Variants in CAMK1D observed in about 807,000 individuals in gnomAD.
CAMK1D encodes the protein calcium/calmodulin-dependent protein kinase type 1D.
In CAMK1D, 9 loss-of-function variants were observed where a neutral mutation model predicts 47.7. The observed-to-expected ratio is 0.19, with a 90% CI of 0.11 to 0.33. The LOEUF is 0.33. Among genes scored for constraint, CAMK1D ranks in the 10% least tolerant of loss-of-function variants. The pLI, the probability that CAMK1D is intolerant of heterozygous loss-of-function variation, is 1.00. For missense variants in CAMK1D, 291 were observed against 488.7 expected (o/e 0.60, Z 3.81); for synonymous variants, 184 against 184.9 (o/e 0.99, Z 0.04).
intron 4 of CAMK1D, among the ~76,000 whole-genome samples, chr10:12,761,363 C>CT (rs1836499787): frequency 6.6e-6 from 1 of 152,184 alleles, no homozygotes; most frequent in African/African-American, 2.4e-5. Flanking sequence ...TTATATATTG[C>CT]TTCGAGCCTA....
In CAMK1D at chr10:12,765,790, A is replaced by G. The variant is rs1486182645; in HGVS notation, c.439-3883A>G. Among the ~76,000 whole-genome samples, 4 of 151,984 alleles carry G rather than the reference A, an allele frequency of 2.6e-5. No individual in the cohort carries two copies. The East Asian group carries it at 7.7e-4, about 29-fold the overall frequency. Reference sequence around the variant, plus strand: ...CAAGCGGGTTTCCGGTCTGTGGTGAAATGCAGGGGGGTTTTATAGCTGAGC... The same window carrying G: ...CAAGCGGGTTTCCGGTCTGTGGTGAGATGCAGGGGGGTTTTATAGCTGAGC... On this transcript the variant is annotated intron_variant, in intron 4 of 10. Transcript: ENST00000619168.
At chr10:12,781,532 C>T (rs1837491866) in intron 5 of CAMK1D, among the ~76,000 whole-genome samples, 1 of 143,520 alleles carries the variant, frequency 7.0e-6, no homozygotes. Context: ...ACAGCAGTCC[C>T]AGCTCAGATG....
At chr10:12,664,653 G>A (rs959869299) in intron 2 of CAMK1D, among the ~76,000 whole-genome samples, 3 of 152,210 alleles carry the variant, frequency 2.0e-5, no homozygotes, top group Admixed American at 6.5e-5. Context: ...AGTGATGTAA[G>A]CAGAGTGATT....
intron 3 of CAMK1D, among the ~76,000 whole-genome samples, chr10:12,756,655 G>A (rs1000126053): frequency 3.3e-5 from 5 of 152,056 alleles, no homozygotes; most frequent in African/African-American, 7.3e-5. Context: ...AGCTGGGCAC[G>A]GTGGCTCACA....
At chr10:12,685,818 C>T (rs1832637957) in intron 3 of CAMK1D, among the ~76,000 whole-genome samples, 1 of 152,198 alleles carries the variant, frequency 6.6e-6, no homozygotes. Context: ...ACTTTCAGAA[C>T]AGATGAGTGG....
At chr10:12,634,773 G>A (rs1395964333) in intron 2 of CAMK1D, among the ~76,000 whole-genome samples, 1 of 151,994 alleles carries the variant, frequency 6.6e-6, no homozygotes, top group East Asian at 1.9e-4. Context: ...ATCAGCTTTC[G>A]CTTCTCTCTG....
In CAMK1D at chr10:12,582,497, A is replaced by G. The variant is rs1013310084; in HGVS notation, c.224+29141A>G. Among the ~76,000 whole-genome samples, 5 of 152,284 alleles carry G rather than the reference A, an allele frequency of 3.3e-5. No homozygotes were observed. The East Asian group carries it at 7.7e-4, about 23-fold the overall frequency. On this transcript the variant is annotated intron_variant, in intron 2 of 10. Coordinates refer to ENST00000619168, the MANE Select transcript of CAMK1D (RefSeq NM_153498.4). The stretch of plus-strand genomic sequence containing the variant: ...CATTTTCATAATATTGATTCTACCT[A>G]TCCATGAGCATGGGGGTGTTTCCAT...
intron 1 of CAMK1D, among the ~76,000 whole-genome samples, chr10:12,512,170 A>G (rs1835059948): frequency 6.6e-6 from 1 of 152,240 alleles, no homozygotes; most frequent in Non-Finnish European, 1.5e-5. Context: ...CTTTAGCATG[A>G]GAGCACAAAT....
intron 1 of CAMK1D, among the ~76,000 whole-genome samples, chr10:12,542,799 G>A (rs771018663): frequency 2.6e-4 from 40 of 152,168 alleles, no homozygotes; most frequent in Non-Finnish European, 5.0e-4. Context: ...CTGGAGTGCA[G>A]CAGTGTGAAC....
rs112317859 is a variant in CAMK1D at position 12,764,903 on chromosome 10, C to T, written c.438+3817C>T. Among the ~76,000 whole-genome samples, 601 of 152,258 alleles carry T rather than the reference C, an allele frequency of 3.9e-3. 2 individuals are homozygous for T. The highest frequency in any genetic ancestry group is 0.013 in the African/African-American group (524 of 41,534). ...CTGAGGTCAGGAGTTTGAGACCAGC[C>T]TGGCGAACATGATGAAGCCTTGTCT... On this transcript the variant is annotated intron_variant, in intron 4 of 10. Transcript: ENST00000619168.
intron 2 of CAMK1D, among the ~76,000 whole-genome samples, chr10:12,609,543 G>A (rs2399865): frequency 0.44 from 67,536 of 152,038 alleles, 16,338 homozygotes; most frequent in African/African-American, 0.64. Context: ...ATCATCAGGC[G>A]TTAGATTCTC....
rs1170740108 is a variant in CAMK1D, at chr10:12,791,128, A to T, written c.566-30A>T. On this transcript the variant is annotated intron_variant, in intron 5 of 10. Coordinates refer to ENST00000619168, the MANE Select transcript of CAMK1D (RefSeq NM_153498.4). ...TTCAGTCCGAGGCATGTAAATTGTC[A>T]GGCTGTGTCTTTTCTTTGTCTTTCT... is the stretch of plus-strand genomic sequence containing the variant. 6.8e-6 allele frequency: 11 copies of T among 1,609,112 alleles called. No homozygotes were observed. The Middle Eastern group carries it at 6.6e-4, about 96-fold the overall frequency.
chr10:12,517,458 A>G (rs1835246302), intron 1 of CAMK1D, among the ~76,000 whole-genome samples: 1 of 152,226 alleles, frequency 6.6e-6, no homozygotes, highest in Admixed American at 6.5e-5. Flanking sequence ...CTTGACCTGA[A>G]CAGAAACCAT....
At chr10:12,579,334 C>T (rs1046949363) in intron 2 of CAMK1D, among the ~76,000 whole-genome samples, 4 of 152,120 alleles carry the variant, frequency 2.6e-5, no homozygotes, top group African/African-American at 7.2e-5. Flanking sequence ...TGTGTTGGGC[C>T]CCGTGGCCTT....
chr10:12,733,068 G>T (rs1834968748), intron 3 of CAMK1D, among the ~76,000 whole-genome samples: 1 of 152,192 alleles, frequency 6.6e-6, no homozygotes, highest in South Asian at 2.1e-4. Flanking sequence ...GTCACTCCCT[G>T]GTCCAAATCT....
At chr10:12,355,569 G>A (rs945024866) in intron 1 of CAMK1D, among the ~76,000 whole-genome samples, 4 of 151,946 alleles carry the variant, frequency 2.6e-5, no homozygotes, top group Non-Finnish European at 5.9e-5. Flanking sequence ...TTTCATAGTT[G>A]TTTTTCTGGG....
intron 6 of CAMK1D, among the ~76,000 whole-genome samples, chr10:12,805,907 T>C (rs1008713733): frequency 3.3e-5 from 5 of 152,186 alleles, no homozygotes; most frequent in Non-Finnish European, 7.4e-5. Flanking sequence ...GCTCAGACTG[T>C]ATCAGAGAAG....
At chr10:12,387,780 G>T (rs1037059503) in intron 1 of CAMK1D, among the ~76,000 whole-genome samples, 2 of 151,938 alleles carry the variant, frequency 1.3e-5, no homozygotes, top group Admixed American at 6.6e-5. Context: ...ATGCGCTACC[G>T]TACCTGGCCT....
At position 12,734,395 on chromosome 10, in the gene CAMK1D, T is replaced by A. The variant is rs11599865; in HGVS notation, c.300-26553T>A. ...ATATATATAGATATAGATATAGATA[T>A]ATATATATATACACACACACACACA... On this transcript the variant is annotated intron_variant, in intron 3 of 10. Coordinates refer to ENST00000619168, the MANE Select transcript of CAMK1D (RefSeq NM_153498.4). 6.8e-5 allele frequency among the ~76,000 whole-genome samples: 4 copies of A among 59,026 alleles called. 1 individual carries two copies. Among genetic ancestry groups the A allele is most frequent in the African/African-American group, 2.2e-4 (3 of 13,390 alleles). The allele number at this position is 59,026 out of a possible 152,430, so 38.7% of individuals were successfully genotyped here. A position where few individuals can be genotyped will look rare whatever the true frequency, so the allele number is the denominator to read the frequency against.
Sources: allele counts gnomAD v4.1 joint callset (sites outside exome capture counted in the v4.1 genomes callset), GRCh38; gene constraint gnomAD v4.1.1; transcripts MANE v1.5; gene names NCBI Gene and HGNC (gene_info 2026-07-23, HGNC 2026-07-21).